CNTNAP2: variants seen among roughly 807,000 people sequenced by gnomAD.
CNTNAP2 encodes the protein contactin-associated protein-like 2.
CNTNAP2 carries 98 observed loss-of-function variants against 155.2 expected under a neutral mutation model. The observed-to-expected ratio is 0.63, with a 90% confidence interval of 0.54 to 0.75. The LOEUF is 0.75. Among genes scored for constraint, CNTNAP2 ranks in the 30% least tolerant of loss-of-function variants. The pLI, the probability that CNTNAP2 is intolerant of heterozygous loss-of-function variation, is 0.00. For missense variants in CNTNAP2, 1,727 were observed against 1,688.1 expected, an observed-to-expected ratio of 1.02 and a Z score of -0.40; for synonymous variants, 651 against 631.2, an observed-to-expected ratio of 1.03 and a Z score of -0.47.
chr7:146,284,948 G>A (rs1434953889), intron 1 of CNTNAP2, among the ~76,000 whole-genome samples: 5 of 152,144 alleles, frequency 3.3e-5, no homozygotes, highest in African/African-American at 7.2e-5. Flanking sequence ...GCTGCTGAGC[G>A]GTGTTAATAA....
At chr7:146,309,698 G>T (rs10227710) in intron 1 of CNTNAP2, among the ~76,000 whole-genome samples, 1 of 151,806 alleles carries the variant, frequency 6.6e-6, no homozygotes, top group South Asian at 2.1e-4. Flanking sequence ...GCTACTCGGA[G>T]GATGAGGCAG....
intron 21 of CNTNAP2, among the ~76,000 whole-genome samples, chr7:148,271,972 T>A (rs1159556359): frequency 6.6e-6 from 1 of 152,082 alleles, no homozygotes; most frequent in Non-Finnish European, 1.5e-5. Flanking sequence ...CAGAAACTGA[T>A]TCTATAAAAG....
chr7:147,008,091 T>G (rs1423868868), intron 3 of CNTNAP2, among the ~76,000 whole-genome samples: 1 of 152,190 alleles, frequency 6.6e-6, no homozygotes, highest in African/African-American at 2.4e-5. Context: ...ACGTTTTCAA[T>G]AGACCCAATT....
intron 3 of CNTNAP2, among the ~76,000 whole-genome samples, chr7:146,879,913 G>A (rs767493655): frequency 7.9e-5 from 12 of 152,046 alleles, no homozygotes; most frequent in Admixed American, 3.9e-4. Flanking sequence ...CATGGCTGAA[G>A]GCAAAAGGCA....
intron 3 of CNTNAP2, among the ~76,000 whole-genome samples, chr7:146,973,896 C>A (rs527709737): frequency 2.8e-4 from 43 of 152,168 alleles, no homozygotes; most frequent in Non-Finnish European, 4.4e-5. Context: ...ATGATGACTT[C>A]ATGAATATGA....
At chr7:147,848,546 T>A (rs1158239184) in intron 13 of CNTNAP2, among the ~76,000 whole-genome samples, 1 of 151,190 alleles carries the variant, frequency 6.6e-6, no homozygotes, top group Non-Finnish European at 1.5e-5. Context: ...AATGCAGAAA[T>A]CACCCGTCTT....
chr7:147,947,899 T>A (rs1800849259), intron 14 of CNTNAP2, among the ~76,000 whole-genome samples: 1 of 152,192 alleles, frequency 6.6e-6, no homozygotes, highest in Non-Finnish European at 1.5e-5. Context: ...AAAATAAACT[T>A]GGATTCATTT....
intron 13 of CNTNAP2, among the ~76,000 whole-genome samples, chr7:147,813,478 T>C (rs1324956037): frequency 6.6e-6 from 1 of 152,238 alleles, no homozygotes; most frequent in Non-Finnish European, 1.5e-5. Flanking sequence ...TAATCATTAA[T>C]AGTCTCACAG....
At chr7:146,737,560 G>A (rs72503067) in intron 1 of CNTNAP2, among the ~76,000 whole-genome samples, 1 of 151,922 alleles carries the variant, frequency 6.6e-6, no homozygotes, top group Non-Finnish European at 1.5e-5. Flanking sequence ...TTATGTACAG[G>A]TTATACATAA....
At chr7:147,093,219 C>A (rs920712395) in intron 4 of CNTNAP2, among the ~76,000 whole-genome samples, 1 of 119,576 alleles carries the variant, frequency 8.4e-6, no homozygotes, top group Non-Finnish European at 1.6e-5. Context: ...CCAGCCTGGG[C>A]GAAAGAGCGA....
chr7:146,928,319 T>C lies in CNTNAP2; in HGVS notation c.402+88415T>C, dbSNP rs11977343. Among the ~76,000 whole-genome samples the C allele has an allele frequency of 9.1e-3, 1,393 of 152,290 alleles. 21 individuals are homozygous for C. Among genetic ancestry groups the C allele is most frequent in the African/African-American group, 0.032 (1,349 of 41,552 alleles). ...TTTCTCTAAACAGTCTTGCATAAAA[T>C]TGATTTGTGTAATTTTCTAAGCACT... On this transcript the variant is annotated intron_variant, in intron 3 of 23. Coordinates refer to ENST00000361727, the MANE Select transcript of CNTNAP2 (RefSeq NM_014141.6).
At chr7:147,241,521 A>T (rs1803937585) in intron 8 of CNTNAP2, among the ~76,000 whole-genome samples, 1 of 151,520 alleles carries the variant, frequency 6.6e-6, no homozygotes, top group African/African-American at 2.4e-5. Flanking sequence ...CCAGCTACTC[A>T]GGAGGCTAAG....
intron 21 of CNTNAP2, among the ~76,000 whole-genome samples, chr7:148,369,465 G>A (rs1365048847): frequency 6.6e-6 from 1 of 151,388 alleles, no homozygotes; most frequent in Non-Finnish European, 1.5e-5. Flanking sequence ...GGATGGTCTC[G>A]AACTCCTGGC....
At chr7:148,054,835 G>A (rs1251038851) in intron 15 of CNTNAP2, among the ~76,000 whole-genome samples, 3 of 151,112 alleles carry the variant, frequency 2.0e-5, no homozygotes, top group Admixed American at 6.6e-5. Flanking sequence ...TCCAAGCTTG[G>A]TTAGGTGCAA....
intron 18 of CNTNAP2, among the ~76,000 whole-genome samples, chr7:148,186,171 G>A (rs1252978474): frequency 6.6e-6 from 1 of 152,088 alleles, no homozygotes; most frequent in Non-Finnish European, 1.5e-5. Context: ...AGTATGTCGT[G>A]GTTGAAAGGA....
intron 1 of CNTNAP2, among the ~76,000 whole-genome samples, chr7:146,646,855 G>C (rs1019609516): frequency 6.6e-6 from 1 of 152,180 alleles, no homozygotes; most frequent in Non-Finnish European, 1.5e-5. Context: ...GAGTCGCCTA[G>C]TGAAACAGTG....
chr7:148,084,193 A>G (rs571656713), intron 15 of CNTNAP2, among the ~76,000 whole-genome samples: 1 of 152,306 alleles, frequency 6.6e-6, no homozygotes, highest in South Asian at 2.1e-4. Flanking sequence ...TGCGTTCATT[A>G]CTCTAGACCA....
At chr7:147,634,693 G>T (rs1023415378) in intron 12 of CNTNAP2, among the ~76,000 whole-genome samples, 6 of 152,182 alleles carry the variant, frequency 3.9e-5, no homozygotes, top group African/African-American at 1.4e-4. Flanking sequence ...ATACGTGCAT[G>T]TGTATTTCTT....
chr7:147,559,522 C>T (rs537608084), intron 11 of CNTNAP2, among the ~76,000 whole-genome samples: 2 of 152,192 alleles, frequency 1.3e-5, no homozygotes, highest in Non-Finnish European at 2.9e-5. Flanking sequence ...GTAGAACAAC[C>T]AATGAATAAG....
Sources: gnomAD v4.1 joint callset for allele counts (sites outside exome capture counted in the v4.1 genomes callset) on GRCh38, gnomAD v4.1.1 for gene constraint, MANE v1.5 for transcripts, NCBI Gene and HGNC (gene_info 2026-07-23, HGNC 2026-07-21) for gene names.